CDADC1: variants seen among roughly 807,000 people sequenced by gnomAD.
The protein encoded by CDADC1 is dCTP deaminase.
Under a neutral mutation model 54.9 loss-of-function variants are expected in CDADC1, and 39 were observed. The ratio of observed to expected loss-of-function variants is 0.71; its 90% CI spans 0.55 to 0.93. CDADC1 has a LOEUF of 0.93. CDADC1 is among the 40% of genes least tolerant of loss of function. The pLI is 0.00. For synonymous variants in CDADC1, 186 were observed against 204.0 expected (o/e 0.91, Z 0.75); for missense variants, 518 against 618.8 (o/e 0.84, Z 1.73).
At chr13:49,270,473 C>T (rs1952938718) in intron 5 of CDADC1, among the ~76,000 whole-genome samples, 1 of 152,200 alleles carries the variant, frequency 6.6e-6, no homozygotes, top group South Asian at 2.1e-4. Flanking sequence ...CTGCCTCAGC[C>T]TCCCAAAGTG....
chr13:49,277,739 G>A (rs1326946581), intron 6 of CDADC1, among the ~76,000 whole-genome samples: 3 of 152,030 alleles, frequency 2.0e-5, no homozygotes, highest in South Asian at 2.1e-4. Context: ...AGAAATAAGA[G>A]CCATTGAAGT....
intron 6 of CDADC1, among the ~76,000 whole-genome samples, chr13:49,275,329 A>G (rs1326722188): frequency 1.3e-5 from 2 of 151,598 alleles, no homozygotes; most frequent in Non-Finnish European, 2.9e-5. Flanking sequence ...CAAGCAGTCC[A>G]CCCTCTTCTG....
At chr13:49,252,112 G>T (rs1952447648) in intron 2 of CDADC1, among the ~76,000 whole-genome samples, 2 of 152,190 alleles carry the variant, frequency 1.3e-5, no homozygotes, top group Admixed American at 6.5e-5. Flanking sequence ...CTGGAACTAG[G>T]ATTGACTTGG....
At chr13:49,282,588 T>C (rs1953382064) in intron 8 of CDADC1, among the ~76,000 whole-genome samples, 1 of 152,220 alleles carries the variant, frequency 6.6e-6, no homozygotes, top group South Asian at 2.1e-4. Context: ...GAAATTAACA[T>C]TGATACATTA....
chr13:49,260,322 A>G (rs1952648267), intron 4 of CDADC1, among the ~76,000 whole-genome samples: 1 of 152,210 alleles, frequency 6.6e-6, no homozygotes. Flanking sequence ...ATGTGTTGCT[A>G]AACAGCAGGC....
intron 6 of CDADC1, among the ~76,000 whole-genome samples, chr13:49,277,049 A>G (rs1175516135): frequency 6.6e-6 from 1 of 152,186 alleles, no homozygotes; most frequent in Non-Finnish European, 1.5e-5. Flanking sequence ...TGGCTATGTT[A>G]CTTACTCATT....
intron 9 of CDADC1, among the ~76,000 whole-genome samples, chr13:49,289,650 A>T (rs186806947): frequency 5.0e-4 from 76 of 152,344 alleles, no homozygotes; most frequent in African/African-American, 1.6e-3. Context: ...ATTCTTCAAC[A>T]TGGATGAATC....
chr13:49,269,081 T>C (rs2138224407), intron 5 of CDADC1, among the ~76,000 whole-genome samples: 1 of 152,112 alleles, frequency 6.6e-6, no homozygotes, highest in Admixed American at 6.5e-5. Context: ...GGAGGAGCAG[T>C]AGAGTAAGAT....
chr13:49,272,083 G>T (rs1309938146), intron 5 of CDADC1, among the ~76,000 whole-genome samples: 3 of 152,040 alleles, frequency 2.0e-5, no homozygotes, highest in African/African-American at 7.2e-5. Flanking sequence ...TCCTAACAAG[G>T]TTTAGTCTGT....
At chr13:49,275,693 A>T (rs1953086915) in intron 6 of CDADC1, among the ~76,000 whole-genome samples, 1 of 16,308 alleles carries the variant, frequency 6.1e-5, no homozygotes, top group East Asian at 2.0e-3. Flanking sequence ...TAGGTGTTAT[A>T]TATATATATA....
chr13:49,257,502 G>A (rs894069419), intron 3 of CDADC1, among the ~76,000 whole-genome samples: 11 of 152,328 alleles, frequency 7.2e-5, no homozygotes, highest in African/African-American at 2.6e-4. Flanking sequence ...CGGGCACGGT[G>A]GCTCACGCCT....
At chr13:49,285,608 C>T (rs1377614599) in intron 8 of CDADC1, among the ~76,000 whole-genome samples, 1 of 152,142 alleles carries the variant, frequency 6.6e-6, no homozygotes, top group African/African-American at 2.4e-5. Flanking sequence ...TCTATTGCCT[C>T]CTGTAGTTAG....
At chr13:49,274,362 T>C (rs755017371) in intron 6 of CDADC1, 22 bp downstream of exon 6, 12 of 1,589,812 alleles carry the variant, frequency 7.5e-6, no homozygotes, top group Admixed American at 1.7e-5. Context: ...AACAATTCTT[T>C]AAATATTTAA....
chr13:49,256,867 C>T (rs758855111), intron 3 of CDADC1, among the ~76,000 whole-genome samples: 6 of 151,648 alleles, frequency 4.0e-5, no homozygotes, highest in Admixed American at 1.3e-4. Context: ...TAAGAAAGGC[C>T]AAGGGAAAAA....
At position 49,291,926 on chromosome 13, in the gene CDADC1, C is replaced by T. The variant is rs1025719722; in HGVS notation, c.*169C>T. The T allele has an allele frequency of 7.3e-7, 1 of 1,378,892 alleles. No individual in the cohort carries two copies. The highest frequency in any genetic ancestry group is 2.7e-5 in the East Asian group (1 of 36,858). The allele number at this position is 1,378,892 out of a possible 1,614,324, so 85.4% of individuals were successfully genotyped here. A position where few individuals can be genotyped will look rare whatever the true frequency, so the allele number is the denominator to read the frequency against. ...AAATGGTGTTAATAAGAATATTTGTCTTTTAGATTTATGTGTGGGTTTTCC... is the reference window on the plus strand; with the variant it reads ...AAATGGTGTTAATAAGAATATTTGTTTTTTAGATTTATGTGTGGGTTTTCC... On this transcript the variant is annotated 3_prime_UTR_variant, in exon 10 of 10. Coordinates refer to ENST00000251108, the MANE Select transcript of CDADC1 (RefSeq NM_030911.4).
intron 6 of CDADC1, among the ~76,000 whole-genome samples, chr13:49,277,499 T>G (rs1044183631): frequency 1.3e-5 from 2 of 152,154 alleles, no homozygotes; most frequent in Non-Finnish European, 2.9e-5. Context: ...TCAAACAGAT[T>G]TATTAATGAG....
rs1381932530 is a variant in CDADC1, at chr13:49,264,395, A to G, written c.431-3095A>G. 2.0e-5 allele frequency among the ~76,000 whole-genome samples: 3 copies of G among 152,214 alleles called. No individual in the cohort carries two copies. In the East Asian group the frequency reaches 5.8e-4, roughly 29 times the overall value. The stretch of plus-strand genomic sequence containing the variant: ...TTCTGCAGAGCTTTAAAGAGCTCTG[A>G]AAGGGAAAACACCTTTCCATATATG... On this transcript the variant is annotated intron_variant, in intron 4 of 9. Transcript: ENST00000251108.
intron 2 of CDADC1, among the ~76,000 whole-genome samples, chr13:49,252,126 T>C (rs185098595): frequency 1.3e-5 from 2 of 152,346 alleles, no homozygotes; most frequent in East Asian, 3.9e-4. Context: ...GACTTGGCTA[T>C]ATGAAAGGTT....
chr13:49,267,944 C>T lies in CDADC1; in HGVS notation c.885C>T (p.His295=). ...TVASSVPNFK[H]FGFYRSNPEQ... ...CTTCCAGTGTGCCGAACTTTAAACA[C>T]TTCGGATTTTACCGTAGCAATCCAG... Residue 295 remains histidine, a synonymous_variant, in exon 5 of 10, where the codon CAC becomes CAT. Transcript: ENST00000251108. 6.2e-7 allele frequency: 1 copy of T among 1,614,124 alleles called. No homozygotes were observed. The highest frequency in any genetic ancestry group is 8.5e-7 in the Non-Finnish European group (1 of 1,179,994).
Sources: allele counts gnomAD v4.1 joint callset (sites outside exome capture counted in the v4.1 genomes callset), GRCh38; gene constraint gnomAD v4.1.1; transcripts MANE v1.5; gene names NCBI Gene and HGNC (gene_info 2026-07-23, HGNC 2026-07-21).